Variants in PLAGL1 observed in about 807,000 individuals in gnomAD.
PLAGL1 encodes the protein zinc finger protein PLAGL1.
In PLAGL1, 1 loss-of-function variant was observed where a neutral mutation model predicts 4.6. The observed-to-expected ratio is 0.22, with a 90% CI of 0.08 to 1.03. PLAGL1 has a LOEUF of 1.03. Among genes scored for constraint, PLAGL1 ranks in the 50% least tolerant of loss-of-function variants. The probability of loss-of-function intolerance (pLI) is 0.58; values close to 1 mark genes in which losing one functional copy is unlikely to be tolerated. For synonymous variants in PLAGL1, 240 were observed against 237.8 expected, an observed-to-expected ratio of 1.01 and a Z score of -0.08; for missense variants, 464 against 570.4, an observed-to-expected ratio of 0.81 and a Z score of 1.90.
Position 144,016,518 on chromosome 6 carries a change from T to C in PLAGL1, c.-150-47540A>G, listed in dbSNP as rs1461197437. 2.0e-5 allele frequency among the ~76,000 whole-genome samples: 3 copies of C among 152,194 alleles called. No homozygotes were observed. The highest frequency in any genetic ancestry group is 2.0e-4 in the Admixed American group (3 of 15,284). On this transcript the variant is annotated intron_variant, in intron 1 of 3. Transcript: ENST00000437412. This position sits in a 1 kb window ranked among gnomAD's most constrained non-coding sequence, Gnocchi z 4.2. ...AGGTGACAGTCAGTATTAACCATCATAATATGTAAACGACACATGGTCCCA... is the reference window on the plus strand; with the variant it reads ...AGGTGACAGTCAGTATTAACCATCACAATATGTAAACGACACATGGTCCCA...
At position 143,947,859 on chromosome 6, in the gene PLAGL1, A is replaced by C. The variant is rs906692193; in HGVS notation, c.152+126T>G. On this transcript the variant is annotated intron_variant, in intron 7 of 7. Transcript: ENST00000674357. This position sits in a 1 kb window ranked among gnomAD's most constrained non-coding sequence, Gnocchi z 4.3. The stretch of plus-strand genomic sequence containing the variant: ...GGAATCACTGGATGCAGATTTCAAG[A>C]ATCCCTCAAAGGCTAAAATGCATCC... The C allele has an allele frequency of 3.5e-5, 24 of 695,114 alleles. No homozygotes were observed. The highest frequency in any genetic ancestry group is 1.7e-4 in the Admixed American group (6 of 35,470). The allele number at this position is 695,114 out of a possible 1,614,324, so 43.1% of individuals were successfully genotyped here.
At chr6:143,943,031 A>ATTTTTTTTTTT (rs61216054) in intron 7 of PLAGL1, among the ~76,000 whole-genome samples, 2,724 of 64,488 alleles carry the variant, frequency 0.042, 502 homozygotes, top group African/African-American at 0.064. Flanking sequence ...GGCCTGGCTA[A>ATTTTTTTTTTT]TTTTTTTTTT....
intron 7 of PLAGL1, among the ~76,000 whole-genome samples, chr6:143,943,008 G>T (rs2128505930): frequency 7.6e-6 from 1 of 130,966 alleles, no homozygotes; most frequent in South Asian, 2.7e-4. Flanking sequence ...TGAACTACAG[G>T]CACACACCAC....
rs73781350 is a variant in PLAGL1 at position 143,993,917 on chromosome 6, G to A, written c.-583-8743C>T. Among the ~76,000 whole-genome samples, 1,291 of 152,082 alleles carry A rather than the reference G, an allele frequency of 8.5e-3. 13 individuals are homozygous for A. Among genetic ancestry groups the A allele is most frequent in the African/African-American group, 0.029 (1,193 of 41,470 alleles). ...AGCACTGTGCTGCCGAAAAGAATAA[G>A]ACTATCAGCTGAAGTCTTAAAACGA... On this transcript the variant is annotated intron_variant, in intron 1 of 7. Coordinates refer to ENST00000674357, the MANE Select transcript of PLAGL1 (RefSeq NM_001317162.2).
At position 143,968,227 on chromosome 6, in the gene PLAGL1, A is replaced by C. The variant is rs1784804390; in HGVS notation, c.-472+680T>G. 6.6e-6 allele frequency: 1 copy of C among 152,322 alleles called. No homozygotes were observed. The highest frequency in any genetic ancestry group is 2.4e-5 in the African/African-American group (1 of 41,580). 9.4% of individuals were successfully genotyped at this position (152,322 alleles called of 1,614,324 possible). ...AGTTCAAACAAATCCTAATCTTTACATGAGTGATAGAAAATAAGAAATAAA... is the reference window on the plus strand; with the variant it reads ...AGTTCAAACAAATCCTAATCTTTACCTGAGTGATAGAAAATAAGAAATAAA... On this transcript the variant is annotated intron_variant, in intron 3 of 7. Transcript: ENST00000674357. This position sits in a 1 kb window ranked among gnomAD's most constrained non-coding sequence, Gnocchi z 6.3.
Position 144,000,915 on chromosome 6 carries a change from T to C in PLAGL1, c.-584+7175A>G, listed in dbSNP as rs1312850423. 2.6e-5 allele frequency among the ~76,000 whole-genome samples: 4 copies of C among 152,072 alleles called. No individual in the cohort carries two copies. The highest frequency in any genetic ancestry group is 5.9e-5 in the Non-Finnish European group (4 of 67,964). On this transcript the variant is annotated intron_variant, in intron 1 of 7. Transcript: ENST00000674357. This position sits in a 1 kb window ranked among gnomAD's most constrained non-coding sequence, Gnocchi z 4.1. Reference sequence around the variant, plus strand: ...AAACTAAGAAAAGTCATAATCTCAATAGATGCAGAAAAAGCATTTGACAAA... The same window carrying C: ...AAACTAAGAAAAGTCATAATCTCAACAGATGCAGAAAAAGCATTTGACAAA...
chr6:144,020,903 AAT>A (rs1795934922), intron 1 of PLAGL1, among the ~76,000 whole-genome samples: 1 of 147,016 alleles, frequency 6.8e-6, no homozygotes, highest in Non-Finnish European at 1.5e-5. Flanking sequence ...TTATAATATA[AAT>A]ATATTTAATA....
intron 1 of PLAGL1, among the ~76,000 whole-genome samples, chr6:144,002,820 A>T (rs1793193419): frequency 6.6e-6 from 1 of 152,008 alleles, no homozygotes; most frequent in Non-Finnish European, 1.5e-5. Context: ...ATTCTGTTAA[A>T]ATGTTCACTT....
Position 143,941,461 on chromosome 6 carries a change from G to C in PLAGL1, c.1355C>G (p.Ser452Cys). 1 of 1,506,520 alleles carries C rather than the reference G, an allele frequency of 6.6e-7. No individual in the cohort carries two copies. Among genetic ancestry groups the C allele is most frequent in the Non-Finnish European group, 8.9e-7 (1 of 1,127,560 alleles). The allele number at this position is 1,506,520 out of a possible 1,614,324, so 93.3% of individuals were successfully genotyped here. Reference protein sequence around the residue: ...IPHVFSAGTGSAILPHFHHAF... With the variant: ...IPHVFSAGTGCAILPHFHHAF... ...ATGATGGAAATGAGGCAGGATGGCA[G>C]AGCCAGTGCCAGCTGAGAACACATG... Residue 452 changes from serine (S) to cysteine (C), a missense_variant, in exon 8 of 8, where the codon TCT becomes TGT. Transcript: ENST00000674357. The surrounding 1 kb of genome is among the most constrained non-coding windows in gnomAD (Gnocchi z 6.0).
chr6:144,020,228 G>C (rs1021006608), intron 1 of PLAGL1, among the ~76,000 whole-genome samples: 2 of 152,036 alleles, frequency 1.3e-5, no homozygotes, highest in African/African-American at 4.8e-5. Flanking sequence ...CCAGACTGTG[G>C]GAAATAAATT....
At chr6:144,021,070 T>A (rs550695251) in intron 1 of PLAGL1, among the ~76,000 whole-genome samples, 1 of 152,030 alleles carries the variant, frequency 6.6e-6, no homozygotes, top group Non-Finnish European at 1.5e-5. Context: ...TAAAACTCTC[T>A]TTATGATTCC....
chr6:143,979,724 C>T lies in PLAGL1; in HGVS notation c.-544+5411G>A, dbSNP rs967696464. Among the ~76,000 whole-genome samples the T allele has an allele frequency of 4.6e-5, 7 of 151,878 alleles. No individual in the cohort carries two copies. The highest frequency in any genetic ancestry group is 9.7e-5 in the African/African-American group (4 of 41,370). ...AAAAAATATTAATAATAATCATCATCGTATGTATTTATTTACCTAGGTGGT... is the reference window on the plus strand; with the variant it reads ...AAAAAATATTAATAATAATCATCATTGTATGTATTTATTTACCTAGGTGGT... On this transcript the variant is annotated intron_variant, in intron 2 of 7. Coordinates refer to ENST00000674357, the MANE Select transcript of PLAGL1 (RefSeq NM_001317162.2). The surrounding 1 kb of genome is among the most constrained non-coding windows in gnomAD (Gnocchi z 4.6).
At chr6:144,032,482 GA>G (rs1245225185) in intron 1 of PLAGL1, among the ~76,000 whole-genome samples, 1 of 151,936 alleles carries the variant, frequency 6.6e-6, no homozygotes, top group Non-Finnish European at 1.5e-5. Flanking sequence ...CTTCTTGGCA[GA>G]AATTTTAAGT....
At chr6:143,956,322 C>G (rs922256924) in intron 6 of PLAGL1, among the ~76,000 whole-genome samples, 2 of 152,114 alleles carry the variant, frequency 1.3e-5, no homozygotes, top group Non-Finnish European at 2.9e-5. Flanking sequence ...CACTGTAGCC[C>G]GGATGGAAGC....
Position 143,941,166 on chromosome 6 carries a change from T to G in PLAGL1, c.*258A>C. ...AACACTTATATATAGCAGCCGTCAT[T>G]TTGGATGTTGGTTATGACAATATTT... On this transcript the variant is annotated 3_prime_UTR_variant, in exon 8 of 8. Coordinates refer to ENST00000674357, the MANE Select transcript of PLAGL1 (RefSeq NM_001317162.2). The surrounding 1 kb of genome is among the most constrained non-coding windows in gnomAD (Gnocchi z 6.0). 1 of 317,498 alleles carries G rather than the reference T, an allele frequency of 3.1e-6. No individual in the cohort carries two copies. Among genetic ancestry groups the G allele is most frequent in the Non-Finnish European group, 5.7e-6 (1 of 173,976 alleles). 19.7% of individuals were successfully genotyped at this position (317,498 alleles called of 1,614,324 possible).
rs1443331348 is a variant in PLAGL1 at position 144,016,653 on chromosome 6, T to A, written c.-150-47675A>T. ...GGAGAATTTTACAAGGTGATAGAAA[T>A]GTTCTACCTCTTGGTTAGTAAGAAG... On this transcript the variant is annotated intron_variant, in intron 1 of 3. Coordinates refer to the PLAGL1 transcript ENST00000437412. The surrounding 1 kb of genome is among the most constrained non-coding windows in gnomAD (Gnocchi z 4.2). 6.6e-6 allele frequency among the ~76,000 whole-genome samples: 1 copy of A among 152,216 alleles called. No individual in the cohort carries two copies. The highest frequency in any genetic ancestry group is 1.5e-5 in the Non-Finnish European group (1 of 68,032).
rs567595968 is a variant in PLAGL1, at chr6:144,030,241, C to A, written c.-151+34227G>T. Among the ~76,000 whole-genome samples the A allele has an allele frequency of 6.4e-4, 66 of 102,622 alleles. 1 individual carries two copies. Among genetic ancestry groups the A allele is most frequent in the Middle Eastern group, 0.013 (1 of 78 alleles). 67.3% of individuals were successfully genotyped at this position (102,622 alleles called of 152,430 possible). On this transcript the variant is annotated intron_variant, in intron 1 of 3. Transcript: ENST00000437412. ...CTGCACTCCAGCCTGGGTGACAGAGCGAGACTCCGTCTCAAAAAAAAAAAA... is the reference window on the plus strand; with the variant it reads ...CTGCACTCCAGCCTGGGTGACAGAGAGAGACTCCGTCTCAAAAAAAAAAAA...
In PLAGL1 at chr6:144,056,277, G is replaced by A. The variant is rs745440620; in HGVS notation, c.-151+8191C>T. Among the ~76,000 whole-genome samples, 2 of 151,910 alleles carry A rather than the reference G, an allele frequency of 1.3e-5. No homozygotes were observed. The highest frequency in any genetic ancestry group is 2.4e-5 in the African/African-American group (1 of 41,340). On this transcript the variant is annotated intron_variant, in intron 1 of 3. Transcript: ENST00000437412. This position sits in a 1 kb window ranked among gnomAD's most constrained non-coding sequence, Gnocchi z 4.7. ...CACACGCACAGCCTCCCCTATTACC[G>A]GCATCCCCACCAGGATGGCGCATTT...
At position 143,972,153 on chromosome 6, in the gene PLAGL1, AG is replaced by A. The variant is rs1348255639; in HGVS notation, c.-543-3176del. 6.6e-6 allele frequency among the ~76,000 whole-genome samples: 1 copy of A among 152,276 alleles called. No individual in the cohort carries two copies. Among genetic ancestry groups the A allele is most frequent in the African/African-American group, 2.4e-5 (1 of 41,478 alleles). ...AACTGTGATAAGTAATTACTTTCAAAGGAATGTAGACAGAGCCATCAATCCC... is the reference window on the plus strand; with the variant it reads ...AACTGTGATAAGTAATTACTTTCAAAGAATGTAGACAGAGCCATCAATCCC... On this transcript the variant is annotated intron_variant, in intron 2 of 7. Transcript: ENST00000674357. The surrounding 1 kb of genome is among the most constrained non-coding windows in gnomAD (Gnocchi z 6.8).
Sources: allele counts gnomAD v4.1 joint callset (sites outside exome capture counted in the v4.1 genomes callset), GRCh38; gene constraint gnomAD v4.1.1; non-coding constraint Gnocchi (gnomAD v3.1); transcripts MANE v1.5; gene names NCBI Gene and HGNC (gene_info 2026-07-23, HGNC 2026-07-21).